Variants in KCNIP1 observed in about 807,000 individuals in gnomAD.
KCNIP1 encodes the protein A-type potassium channel modulatory protein KCNIP1.
A neutral mutation model predicts 33.0 loss-of-function variants in KCNIP1; 18 were observed. That is an observed-to-expected ratio of 0.55 (90% CI 0.38 to 0.81). The LOEUF (loss-of-function observed/expected upper bound fraction) is 0.81. KCNIP1 is among the 30% of genes least tolerant of loss of function. The pLI is 0.00. For missense variants in KCNIP1, 238 were observed against 271.6 expected (o/e 0.88, Z 0.87); for synonymous variants, 93 against 98.3 (o/e 0.95, Z 0.32).
chr5:170,520,645 C>A (rs1384421241), intron 1 of KCNIP1, among the ~76,000 whole-genome samples: 1 of 152,156 alleles, frequency 6.6e-6, no homozygotes, highest in Non-Finnish European at 1.5e-5. Flanking sequence ...GTAGGAAGAT[C>A]CAACTCAAAA....
rs1760751177 is a variant in KCNIP1, at chr5:170,645,536, C to CACCCGG, written c.62-73218_62-73217insGGACCC. ...CAACTGTTACACTTGGAGGCCTTAA[C>CACCCGG]ACCCCTCTACCAGAAATGGACAGAT... is the stretch of plus-strand genomic sequence containing the variant. On this transcript the variant is annotated intron_variant, in intron 1 of 7. Coordinates refer to ENST00000328939, the MANE Select transcript of KCNIP1 (RefSeq NM_014592.4). Among the ~76,000 whole-genome samples, 9 of 152,284 alleles carry CACCCGG rather than the reference C, an allele frequency of 5.9e-5. No individual in the cohort carries two copies. In the South Asian group the frequency reaches 1.9e-3, roughly 32 times the overall value.
At chr5:170,606,154 A>G (rs976815698) in intron 1 of KCNIP1, among the ~76,000 whole-genome samples, 1 of 152,054 alleles carries the variant, frequency 6.6e-6, no homozygotes, top group African/African-American at 2.4e-5. Context: ...CAGTTGATGA[A>G]CCTTTGGATT....
At chr5:170,651,794 G>C (rs1461956329) in intron 1 of KCNIP1, among the ~76,000 whole-genome samples, 1 of 151,808 alleles carries the variant, frequency 6.6e-6, no homozygotes. Flanking sequence ...GCATTTATAT[G>C]GTACCTATCA....
chr5:170,401,102 A>T (rs1051602994), intron 1 of KCNIP1, among the ~76,000 whole-genome samples: 12 of 152,076 alleles, frequency 7.9e-5, no homozygotes, highest in African/African-American at 2.9e-4. Context: ...TAGCCCTCCT[A>T]ACACGCCTTG....
chr5:170,574,963 C>A (rs1757547072), intron 1 of KCNIP1, among the ~76,000 whole-genome samples: 1 of 152,140 alleles, frequency 6.6e-6, no homozygotes, highest in South Asian at 2.1e-4. Flanking sequence ...TTATATGAAG[C>A]AACAGTATTC....
intron 1 of KCNIP1, among the ~76,000 whole-genome samples, chr5:170,663,569 C>A (rs2113753523): frequency 6.6e-6 from 1 of 152,216 alleles, no homozygotes; most frequent in African/African-American, 2.4e-5. Context: ...ATCAAATGCC[C>A]CTAGCCTGAG....
chr5:170,592,824 C>T (rs1473753864), intron 1 of KCNIP1, among the ~76,000 whole-genome samples: 1 of 152,198 alleles, frequency 6.6e-6, no homozygotes. Context: ...AAGCATGTGG[C>T]TAGCATGTGG....
At chr5:170,412,273 G>C (rs1755214200) in intron 1 of KCNIP1, among the ~76,000 whole-genome samples, 1 of 152,102 alleles carries the variant, frequency 6.6e-6, no homozygotes, top group Admixed American at 6.5e-5. Flanking sequence ...TGTGGGAGAA[G>C]CAAGTAGACT....
chr5:170,472,480 ATGAG>A (rs1392767674), intron 1 of KCNIP1, among the ~76,000 whole-genome samples: 1 of 152,182 alleles, frequency 6.6e-6, no homozygotes. Flanking sequence ...GTTTGGTTAC[ATGAG>A]TAAGTTCTTT....
At chr5:170,722,859 T>C in intron 5 of KCNIP1, 39 bp downstream of exon 5, 1 of 1,296,570 alleles carries the variant, frequency 7.7e-7, no homozygotes, top group Non-Finnish European at 1.1e-6. Flanking sequence ...AGGGCTCCAG[T>C]GAAGGTAACT....
Position 170,367,352 on chromosome 5 carries a change from A to AGAAGGAAG in KCNIP1, c.88+13391_88+13392insGGAAGGAA, listed in dbSNP as rs1561586696. On this transcript the variant is annotated intron_variant, in intron 1 of 7. Transcript: ENST00000377360. The stretch of plus-strand genomic sequence containing the variant: ...GAAAGAAGGAAAGAAGGAAAGAAAA[A>AGAAGGAAG]GAAAGAAAGAAAGAAAGAAAGAAAG... 1.5e-3 allele frequency among the ~76,000 whole-genome samples: 61 copies of AGAAGGAAG among 41,728 alleles called. 2 individuals are homozygous for AGAAGGAAG. The highest frequency in any genetic ancestry group is 5.6e-3 in the South Asian group (7 of 1,260). 27.4% of individuals were successfully genotyped at this position (41,728 alleles called of 152,430 possible).
chr5:170,690,872 T>C (rs1762695700), intron 1 of KCNIP1, among the ~76,000 whole-genome samples: 1 of 152,256 alleles, frequency 6.6e-6, no homozygotes, highest in Admixed American at 6.5e-5. Flanking sequence ...ATTGCTTTCA[T>C]CTGTTTTACA....
chr5:170,468,375 A>G (rs1756653195), intron 1 of KCNIP1, among the ~76,000 whole-genome samples: 1 of 152,230 alleles, frequency 6.6e-6, no homozygotes, highest in African/African-American at 2.4e-5. Context: ...GTACTCTTAA[A>G]TGTGATTGTT....
intron 1 of KCNIP1, among the ~76,000 whole-genome samples, chr5:170,566,291 T>A (rs1757203259): frequency 1.3e-5 from 2 of 152,180 alleles, no homozygotes; most frequent in Non-Finnish European, 2.9e-5. Flanking sequence ...CAGGGTTTCA[T>A]TGTGTTGGCT....
chr5:170,387,768 T>G (rs1467355241), intron 1 of KCNIP1, among the ~76,000 whole-genome samples: 2 of 152,254 alleles, frequency 1.3e-5, no homozygotes, highest in African/African-American at 4.8e-5. Context: ...ACTCTCCATG[T>G]ATTCACAGGT....
At chr5:170,416,681 T>A (rs542071271) in intron 1 of KCNIP1, among the ~76,000 whole-genome samples, 4 of 148,394 alleles carry the variant, frequency 2.7e-5, no homozygotes, top group African/African-American at 9.9e-5. Context: ...ATACTTACCG[T>A]AACTCATTTT....
chr5:170,395,415 C>T (rs1322379022), intron 1 of KCNIP1, among the ~76,000 whole-genome samples: 1 of 152,152 alleles, frequency 6.6e-6, no homozygotes, highest in Non-Finnish European at 1.5e-5. Flanking sequence ...ATGGCTAAGT[C>T]GGGATAGATT....
At chr5:170,574,391 T>G (rs759424790) in intron 1 of KCNIP1, among the ~76,000 whole-genome samples, 1 of 152,100 alleles carries the variant, frequency 6.6e-6, no homozygotes, top group Non-Finnish European at 1.5e-5. Flanking sequence ...GCAAAACAAG[T>G]CAGATAATTA....
intron 1 of KCNIP1, among the ~76,000 whole-genome samples, chr5:170,547,997 C>G (rs1429350920): frequency 6.6e-6 from 1 of 152,182 alleles, no homozygotes; most frequent in Non-Finnish European, 1.5e-5. Context: ...AACAGTATAA[C>G]ATCGCTCCTT....
Sources: allele counts gnomAD v4.1 joint callset (sites outside exome capture counted in the v4.1 genomes callset), GRCh38; gene constraint gnomAD v4.1.1; transcripts MANE v1.5; gene names NCBI Gene and HGNC (gene_info 2026-07-23, HGNC 2026-07-21).